The following SPOCK3 variants were observed in gnomAD, a reference collection of about 807,000 sequenced individuals.
The protein encoded by SPOCK3 is testican-3.
In SPOCK3, 30 loss-of-function variants were observed where a neutral mutation model predicts 56.6. The ratio of observed to expected loss-of-function variants is 0.53; its 90% confidence interval spans 0.40 to 0.72. The LOEUF (loss-of-function observed/expected upper bound fraction) is 0.72, where lower values mean the gene tolerates loss of function less well. Ranked by LOEUF, SPOCK3 falls within the 30% of genes least tolerant of loss-of-function variation. SPOCK3 has a pLI of 0.00. For synonymous variants in SPOCK3, 196 were observed against 183.3 expected, an observed-to-expected ratio of 1.07 and a Z score of -0.56; for missense variants, 527 against 530.0, an observed-to-expected ratio of 0.99 and a Z score of 0.06.
intron 2 of SPOCK3, among the ~76,000 whole-genome samples, chr4:167,196,916 A>G (rs1319432804): frequency 6.6e-6 from 1 of 152,166 alleles, no homozygotes; most frequent in Admixed American, 6.6e-5. Context: ...ATCATAGTAT[A>G]TATGATTTAT....
intron 2 of SPOCK3, among the ~76,000 whole-genome samples, chr4:167,155,236 C>G (rs1372110222): frequency 6.6e-6 from 1 of 151,990 alleles, no homozygotes; most frequent in South Asian, 2.1e-4. Context: ...TTGTCTTAGC[C>G]TCCTGAGTCC....
chr4:167,081,430 G>A (rs1757697100), intron 2 of SPOCK3, among the ~76,000 whole-genome samples: 1 of 151,920 alleles, frequency 6.6e-6, no homozygotes, highest in Non-Finnish European at 1.5e-5. Context: ...TGTTAACATT[G>A]TAGAGAGTCA....
chr4:167,120,052 T>C (rs1206881759), intron 2 of SPOCK3, among the ~76,000 whole-genome samples: 4 of 152,134 alleles, frequency 2.6e-5, no homozygotes, highest in African/African-American at 9.6e-5. Flanking sequence ...TATGTTTCTA[T>C]AAATAAGGGT....
intron 7 of SPOCK3, among the ~76,000 whole-genome samples, chr4:166,779,196 C>A (rs1301616180): frequency 6.6e-6 from 1 of 152,040 alleles, no homozygotes; most frequent in Non-Finnish European, 1.5e-5. Flanking sequence ...TAATGCAATG[C>A]AGCATCACAC....
chr4:166,966,048 A>C (rs1405393514), intron 4 of SPOCK3, among the ~76,000 whole-genome samples: 1 of 151,984 alleles, frequency 6.6e-6, no homozygotes, highest in Non-Finnish European at 1.5e-5. Flanking sequence ...TACTGACTCC[A>C]TAGTTTTGCC....
chr4:167,207,986 A>G lies in SPOCK3; in HGVS notation c.189+25999T>C, dbSNP rs1202085730. Among the ~76,000 whole-genome samples the G allele has an allele frequency of 2.0e-5, 3 of 152,180 alleles. No individual in the cohort carries two copies. In the East Asian group the frequency reaches 5.8e-4, roughly 29 times the overall value. ...GCTAAGCCAAGGAAGCCTGTTGTGT[A>G]AATGGCCTTCTGAGCTTCTCAGGTA... On this transcript the variant is annotated intron_variant, in intron 2 of 10. Coordinates refer to ENST00000357545, the MANE Select transcript of SPOCK3 (RefSeq NM_001040159.2).
At chr4:166,948,040 C>A (rs1385643581) in intron 4 of SPOCK3, among the ~76,000 whole-genome samples, 1 of 152,100 alleles carries the variant, frequency 6.6e-6, no homozygotes, top group Non-Finnish European at 1.5e-5. Context: ...CTTTCCCCAG[C>A]CTTTAGTAAC....
intron 3 of SPOCK3, among the ~76,000 whole-genome samples, chr4:167,014,008 C>G (rs1750350799): frequency 6.6e-6 from 1 of 152,086 alleles, no homozygotes; most frequent in Non-Finnish European, 1.5e-5. Flanking sequence ...GTGTTAGGTG[C>G]CTAGAGTATT....
At chr4:167,113,495 C>A (rs982129268) in intron 2 of SPOCK3, among the ~76,000 whole-genome samples, 2 of 151,914 alleles carry the variant, frequency 1.3e-5, no homozygotes, top group Non-Finnish European at 1.5e-5. Context: ...CCTTAAAACA[C>A]CATCTAATTA....
intron 6 of SPOCK3, among the ~76,000 whole-genome samples, chr4:166,797,075 G>A (rs1053440263): frequency 6.6e-6 from 1 of 151,984 alleles, no homozygotes. Context: ...TCAGATTGAA[G>A]AGGAGTAAGG....
chr4:166,767,484 T>C (rs1214275973), intron 7 of SPOCK3, among the ~76,000 whole-genome samples: 6 of 152,256 alleles, frequency 3.9e-5, no homozygotes, highest in African/African-American at 1.2e-4. Context: ...TCAGTTTCCA[T>C]GTAGTTGAGT....
intron 6 of SPOCK3, among the ~76,000 whole-genome samples, chr4:166,852,127 T>C (rs1730180364): frequency 6.6e-6 from 1 of 150,740 alleles, no homozygotes; most frequent in African/African-American, 2.4e-5. Flanking sequence ...AAGGGGAACA[T>C]CACACTCTGG....
intron 2 of SPOCK3, among the ~76,000 whole-genome samples, chr4:167,096,848 G>C (rs1256872989): frequency 6.6e-6 from 1 of 151,800 alleles, no homozygotes; most frequent in Admixed American, 6.6e-5. Context: ...ATTACTGAAA[G>C]AGGAAGGTTG....
intron 6 of SPOCK3, among the ~76,000 whole-genome samples, chr4:166,860,623 A>G (rs1298190017): frequency 6.6e-6 from 1 of 151,620 alleles, no homozygotes; most frequent in Non-Finnish European, 1.5e-5. Flanking sequence ...TATCATACAC[A>G]CATTCAATAA....
intron 7 of SPOCK3, among the ~76,000 whole-genome samples, chr4:166,764,506 T>C (rs1424568932): frequency 6.6e-6 from 1 of 152,072 alleles, no homozygotes; most frequent in Admixed American, 6.6e-5. Context: ...CATGTCCCTA[T>C]AAAGGACATG....
intron 2 of SPOCK3, among the ~76,000 whole-genome samples, chr4:167,115,942 G>T (rs1015235137): frequency 6.6e-6 from 1 of 151,990 alleles, no homozygotes; most frequent in Non-Finnish European, 1.5e-5. Context: ...TCAGCAGTGG[G>T]CTCACATCAG....
chr4:166,811,864 A>G (rs1579297892), intron 6 of SPOCK3, among the ~76,000 whole-genome samples: 1 of 151,988 alleles, frequency 6.6e-6, no homozygotes, highest in East Asian at 1.9e-4. Context: ...ACTTGGAAAC[A>G]GTATTTTAGG....
intron 6 of SPOCK3, among the ~76,000 whole-genome samples, chr4:166,884,724 A>G (rs1299729663): frequency 6.6e-6 from 1 of 152,120 alleles, no homozygotes; most frequent in Non-Finnish European, 1.5e-5. Context: ...CAGTTGAAGA[A>G]ATGAGACTCA....
intron 4 of SPOCK3, among the ~76,000 whole-genome samples, chr4:166,964,789 A>G (rs1292706754): frequency 1.3e-5 from 2 of 151,792 alleles, no homozygotes; most frequent in Non-Finnish European, 2.9e-5. Flanking sequence ...AAGTCAATAA[A>G]TTGGACCTCT....
Sources: allele counts gnomAD v4.1 joint callset (sites outside exome capture counted in the v4.1 genomes callset), GRCh38; gene constraint gnomAD v4.1.1; transcripts MANE v1.5; gene names NCBI Gene and HGNC (gene_info 2026-07-23, HGNC 2026-07-21).